The following VPS13D variants were observed in gnomAD, a reference collection of about 807,000 sequenced individuals.
VPS13D encodes the protein intermembrane lipid transfer protein VPS13D.
A neutral mutation model predicts 461.9 loss-of-function variants in VPS13D; 187 were observed. That is an observed-to-expected ratio of 0.40 (90% confidence interval 0.36 to 0.46). VPS13D has a LOEUF of 0.46. VPS13D is among the 20% of genes least tolerant of loss of function. VPS13D has a pLI of 0.60. For missense variants in VPS13D, 4,711 were observed against 5,364.9 expected, an observed-to-expected ratio of 0.88 and a Z score of 3.81; for synonymous variants, 1,951 against 1,986.3, an observed-to-expected ratio of 0.98 and a Z score of 0.47.
chr1:12,424,457 AAG>A (rs1335679975), intron 65 of VPS13D, among the ~76,000 whole-genome samples: 3 of 152,090 alleles, frequency 2.0e-5, no homozygotes, highest in African/African-American at 7.2e-5. Flanking sequence ...GATCTAATAA[AAG>A]TGTATTTGTG....
Position 12,416,673 on chromosome 1 carries a change from A to C in VPS13D, c.12179A>C (p.Gln4060Pro). 1.2e-6 allele frequency: 2 copies of C among 1,613,644 alleles called. No homozygotes were observed. The highest frequency in any genetic ancestry group is 1.7e-6 in the Non-Finnish European group (2 of 1,179,822). The change falls in exon 65 of 70, where the codon CAG (glutamine) becomes CCG (proline). Residue 4060 changes from glutamine to proline, a missense_variant. Around this residue, in one of 3 missense-constraint regions of VPS13D, gnomAD observed 106 missense variants for 206.2 expected, o/e 0.51. Transcript: ENST00000620676. ...TCCATTTGGCAGGAACTCCTCAGCC[A>C]GGCAGCTCGAATCCTGGGATCAGTG... Reference protein sequence around the residue: ...LKHFQEELLSQAARILGSVDF... With the variant: ...LKHFQEELLSPAARILGSVDF...
chr1:12,288,248 A>C lies in VPS13D; in HGVS notation c.5660A>C (p.Asn1887Thr), dbSNP rs537070203. The C allele has an allele frequency of 6.2e-7, 1 of 1,614,102 alleles. No homozygotes were observed. Among genetic ancestry groups the C allele is most frequent in the Non-Finnish European group, 8.5e-7 (1 of 1,179,946 alleles). Residue 1887 changes from asparagine to threonine, a missense_variant, in exon 22 of 70, where the codon AAT becomes ACT. Asn to Thr is a moderately conservative substitution (Grantham distance 65, BLOSUM62 0). Around this residue, in one of 3 missense-constraint regions of VPS13D, gnomAD observed 4,411 missense variants for 4,937.8 expected, o/e 0.89. Coordinates refer to ENST00000620676, the MANE Select transcript of VPS13D (RefSeq NM_015378.4). The stretch of plus-strand genomic sequence containing the variant: ...GTTCATTCACTTTCTCTAGTGCTGA[A>C]TAAGACCACCAGTGAGCTTGCCAAA... Reference protein sequence around the residue: ...LKVHSLSLVLNKTTSELAKAN... With the variant: ...LKVHSLSLVLTKTTSELAKAN...
intron 65 of VPS13D, among the ~76,000 whole-genome samples, chr1:12,440,943 G>A (rs747570326): frequency 3.3e-5 from 5 of 150,114 alleles, no homozygotes; most frequent in South Asian, 2.1e-4. Flanking sequence ...TTTTTCTTTC[G>A]AGATGGAGTT....
At chr1:12,504,003 C>T (rs926977149) in intron 68 of VPS13D, among the ~76,000 whole-genome samples, 5 of 152,114 alleles carry the variant, frequency 3.3e-5, no homozygotes, top group Non-Finnish European at 5.9e-5. Flanking sequence ...GGGGAGCGTG[C>T]CGCGTTTGCC....
intron 66 of VPS13D, among the ~76,000 whole-genome samples, chr1:12,457,070 C>T (rs1219337426): frequency 3.9e-5 from 6 of 152,220 alleles, no homozygotes; most frequent in Non-Finnish European, 1.5e-5. Context: ...CATTTGGTCT[C>T]TGACTTTGAA....
intron 37 of VPS13D, among the ~76,000 whole-genome samples, chr1:12,332,781 A>G (rs1201397125): frequency 6.6e-6 from 1 of 152,256 alleles, no homozygotes. Context: ...TAAGAAAAAG[A>G]AAAAGTGAGC....
intron 60 of VPS13D, among the ~76,000 whole-genome samples, chr1:12,388,496 C>G (rs539456740): frequency 6.6e-6 from 1 of 151,512 alleles, no homozygotes; most frequent in South Asian, 2.1e-4. Flanking sequence ...ATTGCTGGAA[C>G]CTAGGAGGTG....
chr1:12,314,275 G>T lies in VPS13D; in HGVS notation c.7096G>T (p.Ala2366Ser). The change falls in exon 30 of 70, where the codon GCT becomes TCT. Residue 2366 changes from alanine to serine, a missense_variant. Ala to Ser is a moderately conservative substitution (Grantham distance 99). Coordinates refer to ENST00000620676, the MANE Select transcript of VPS13D (RefSeq NM_015378.4). ...TNVFSCIFQP[A>S]KNSSTTQGSI... ...TGTGTTCAGCTGTATCTTTCAGCCC[G>T]CTAAGAACAGCAGCACCACCCAAGG... is the stretch of plus-strand genomic sequence containing the variant. The T allele has an allele frequency of 6.2e-7, 1 of 1,614,138 alleles. No individual in the cohort carries two copies. The highest frequency in any genetic ancestry group is 8.5e-7 in the Non-Finnish European group (1 of 1,180,012).
At chr1:12,406,769 C>T (rs1054288827) in intron 63 of VPS13D, among the ~76,000 whole-genome samples, 6 of 152,130 alleles carry the variant, frequency 3.9e-5, no homozygotes, top group African/African-American at 7.2e-5. Context: ...GTAGTTTATA[C>T]GTGTTTTTGG....
chr1:12,278,518 G>A (rs1641684296), intron 19 of VPS13D, among the ~76,000 whole-genome samples: 1 of 152,174 alleles, frequency 6.6e-6, no homozygotes, highest in African/African-American at 2.4e-5. Context: ...CAGGTGATCT[G>A]CCTGCCTCGG....
chr1:12,384,416 T>C (rs1308488921), intron 58 of VPS13D, among the ~76,000 whole-genome samples: 1 of 152,164 alleles, frequency 6.6e-6, no homozygotes, highest in Non-Finnish European at 1.5e-5. Context: ...TTTGGACTTG[T>C]TGAGTTAAGG....
rs751641508 is a variant in VPS13D, at chr1:12,275,985, C to G, written c.2397C>G (p.Phe799Leu). The change falls in exon 19 of 70, where the codon TTC becomes TTG. Residue 799 changes from phenylalanine (F) to leucine (L), a missense_variant. Phe to Leu is a conservative substitution (Grantham distance 22). Around this residue, in one of 3 missense-constraint regions of VPS13D, gnomAD observed 4,411 missense variants for 4,937.8 expected, o/e 0.89. Transcript: ENST00000620676. ...CACCTCCCTTTTCTGGAGTTGAGTT[C>G]AGTGAAGAACAGCTTCAAGCACATT... ...EKTPPFSGVEFSEEQLQAHLM... is the reference protein window; with the variant it reads ...EKTPPFSGVELSEEQLQAHLM... The G allele has an allele frequency of 6.2e-7, 1 of 1,613,864 alleles. No homozygotes were observed.
intron 52 of VPS13D, among the ~76,000 whole-genome samples, chr1:12,367,397 G>T (rs963093365): frequency 1.3e-5 from 2 of 152,118 alleles, no homozygotes; most frequent in African/African-American, 2.4e-5. Context: ...TATCCAGCAG[G>T]CCTCTTTTTT....
chr1:12,403,368 C>G (rs916621201), intron 62 of VPS13D, among the ~76,000 whole-genome samples: 1 of 152,216 alleles, frequency 6.6e-6, no homozygotes, highest in South Asian at 2.1e-4. Flanking sequence ...CAGCCTGATT[C>G]TTTTTCAGGC....
intron 65 of VPS13D, among the ~76,000 whole-genome samples, chr1:12,436,799 G>C (rs1331398534): frequency 6.6e-6 from 1 of 152,104 alleles, no homozygotes; most frequent in African/African-American, 2.4e-5. Flanking sequence ...CTCCCGAGTA[G>C]CTGGGATTAC....
chr1:12,375,034 G>A (rs768206927), intron 55 of VPS13D, among the ~76,000 whole-genome samples: 7 of 152,182 alleles, frequency 4.6e-5, no homozygotes, highest in African/African-American at 7.2e-5. Context: ...CACCATGCCC[G>A]GCCAGTATTT....
At chr1:12,449,815 T>C (rs1210757579) in intron 65 of VPS13D, among the ~76,000 whole-genome samples, 1 of 152,184 alleles carries the variant, frequency 6.6e-6, no homozygotes, top group African/African-American at 2.4e-5. Flanking sequence ...TTAATTATTC[T>C]CTTAACTCTT....
At chr1:12,288,655 T>C (rs182222017) in intron 22 of VPS13D, among the ~76,000 whole-genome samples, 2 of 151,776 alleles carry the variant, frequency 1.3e-5, no homozygotes, top group African/African-American at 4.8e-5. Context: ...TTTTTTTTGG[T>C]TCAAATTGGG....
chr1:12,410,103 A>G (rs191888610), intron 63 of VPS13D, among the ~76,000 whole-genome samples: 13 of 152,360 alleles, frequency 8.5e-5, no homozygotes, highest in Non-Finnish European at 1.9e-4. Context: ...CTAATATCTT[A>G]CAGAGAAGGG....
Sources: allele counts gnomAD v4.1 joint callset (sites outside exome capture counted in the v4.1 genomes callset), GRCh38; gene constraint gnomAD v4.1.1; regional missense constraint gnomAD v4.1.1; transcripts MANE v1.5; gene names NCBI Gene and HGNC (gene_info 2026-07-23, HGNC 2026-07-21).